The following THSD7B variants were observed in gnomAD, a reference collection of about 807,000 sequenced individuals.
The protein encoded by THSD7B is thrombospondin type 1 domain containing 7B.
A neutral mutation model predicts 213.6 loss-of-function variants in THSD7B; 138 were observed. The observed-to-expected ratio is 0.65, with a 90% CI of 0.56 to 0.74. The LOEUF is 0.74. THSD7B is among the 30% of genes least tolerant of loss of function. The pLI, the probability that THSD7B is intolerant of heterozygous loss-of-function variation, is 0.00. For missense variants in THSD7B, 1,931 were observed against 1,991.5 expected, an observed-to-expected ratio of 0.97 and a Z score of 0.58; for synonymous variants, 742 against 687.0, an observed-to-expected ratio of 1.08 and a Z score of -1.25.
chr2:137,056,898 C>G lies in THSD7B; in HGVS notation c.618C>G (p.Val206=). 6.2e-7 allele frequency: 1 copy of G among 1,613,886 alleles called. No individual in the cohort carries two copies. The highest frequency in any genetic ancestry group is 8.5e-7 in the Non-Finnish European group (1 of 1,179,876). The change falls in exon 3 of 28, where the codon GTC becomes GTG. Residue 206 remains valine, a synonymous_variant. Coordinates refer to ENST00000409968, the MANE Select transcript of THSD7B (RefSeq NM_001316349.2). Reference sequence around the variant, plus strand: ...AATTGCAGCATAGAACTCGCGCGGTCATAGCTCCCCCTCTCTTTGGTGGTT... The same window carrying G: ...AATTGCAGCATAGAACTCGCGCGGTGATAGCTCCCCCTCTCTTTGGTGGTT... ...GKKLQHRTRA[V]IAPPLFGGLQ...
At chr2:137,455,218 G>A (rs1290237765) in intron 15 of THSD7B, among the ~76,000 whole-genome samples, 3 of 152,094 alleles carry the variant, frequency 2.0e-5, no homozygotes, top group Non-Finnish European at 2.9e-5. Flanking sequence ...ATTTGAAAAC[G>A]TAGCCTTCTC....
intron 12 of THSD7B, among the ~76,000 whole-genome samples, chr2:137,328,373 T>G (rs543483186): frequency 1.2e-4 from 18 of 152,344 alleles, no homozygotes; most frequent in African/African-American, 4.3e-4. Flanking sequence ...TTAATTGTAT[T>G]GAATTTCATA....
At chr2:137,497,599 ATG>A (rs1679600325) in intron 15 of THSD7B, among the ~76,000 whole-genome samples, 8 of 150,502 alleles carry the variant, frequency 5.3e-5, no homozygotes, top group Admixed American at 2.6e-4. Flanking sequence ...GTATATATAT[ATG>A]TATGTGTGTG....
chr2:137,634,298 G>A (rs1558866626), intron 20 of THSD7B, among the ~76,000 whole-genome samples: 1 of 152,128 alleles, frequency 6.6e-6, no homozygotes, highest in Non-Finnish European at 1.5e-5. Flanking sequence ...CAAAAGAAGT[G>A]ATGTCCAGGT....
At chr2:137,487,736 CTTTTTTTTTTTTTTTTTTTTTTTTTTTTT>C (rs746163389) in intron 15 of THSD7B, among the ~76,000 whole-genome samples, 1 of 13,324 alleles carries the variant, frequency 7.5e-5, no homozygotes, top group African/African-American at 2.7e-4. Context: ...AGGTTTCTTT[CTTTTTTTTTTTTTTTTTTTTTTTTTTTTT>C]TTTTTTTTTT....
chr2:137,006,535 C>CATTCT (rs1686116642), intron 2 of THSD7B, among the ~76,000 whole-genome samples: 3 of 152,166 alleles, frequency 2.0e-5, no homozygotes, highest in Non-Finnish European at 4.4e-5. Context: ...TGATAATCCT[C>CATTCT]ATTCTACTGG....
chr2:137,259,789 T>C (rs968517233), intron 10 of THSD7B, among the ~76,000 whole-genome samples: 4 of 152,190 alleles, frequency 2.6e-5, no homozygotes, highest in African/African-American at 9.6e-5. Flanking sequence ...CAGGAATAAT[T>C]TCTTTTGTTT....
intron 15 of THSD7B, among the ~76,000 whole-genome samples, chr2:137,549,310 C>CTTTTTTTTTTTTTTTTTTTTTTT: frequency 4.0e-5 from 1 of 25,206 alleles, no homozygotes; most frequent in Non-Finnish European, 6.9e-5. Context: ...TTCAGATGCT[C>CTTTTTTTTTTTTTTTTTTTTTTT]TTTTTTTTTT....
In THSD7B at chr2:137,364,241, A is replaced by G. The variant is rs192834078; in HGVS notation, c.2501-41372A>G. 3.4e-3 allele frequency among the ~76,000 whole-genome samples: 525 copies of G among 152,366 alleles called. 3 individuals carry two copies. Among genetic ancestry groups the G allele is most frequent in the African/African-American group, 0.012 (492 of 41,590 alleles). On this transcript the variant is annotated intron_variant, in intron 12 of 27. Transcript: ENST00000409968. ...AATAAACTAGGTATTGATGGGACAT[A>G]TCTCAAAATAATAAGAGCTATTTAT...
At chr2:137,060,862 A>G (rs886920007) in intron 3 of THSD7B, among the ~76,000 whole-genome samples, 5 of 151,494 alleles carry the variant, frequency 3.3e-5, no homozygotes, top group African/African-American at 1.2e-4. Context: ...TAAACTTTGG[A>G]ACTACTTTTT....
rs145630654 is a variant in THSD7B, at chr2:137,004,923, C to T, written c.140-51497C>T. On this transcript the variant is annotated intron_variant, in intron 2 of 27. Coordinates refer to ENST00000409968, the MANE Select transcript of THSD7B (RefSeq NM_001316349.2). Reference sequence around the variant, plus strand: ...TATGAAGAGGTAAACTATTTTATTGCCCTACTATTTATTTTGAAGTTGAAT... The same window carrying T: ...TATGAAGAGGTAAACTATTTTATTGTCCTACTATTTATTTTGAAGTTGAAT... Among the ~76,000 whole-genome samples, 113 of 152,188 alleles carry T rather than the reference C, an allele frequency of 7.4e-4. 2 individuals carry two copies. In the East Asian group the frequency reaches 0.014, roughly 19 times the overall value.
intron 10 of THSD7B, among the ~76,000 whole-genome samples, chr2:137,264,441 G>T (rs907176267): frequency 6.6e-6 from 1 of 151,924 alleles, no homozygotes; most frequent in Non-Finnish European, 1.5e-5. Context: ...GTAGAGGCGG[G>T]ATTTCACTGT....
intron 2 of THSD7B, among the ~76,000 whole-genome samples, chr2:136,977,809 T>TTTTGTG (rs1558874163): frequency 8.7e-6 from 1 of 114,914 alleles, no homozygotes; most frequent in Non-Finnish European, 1.8e-5. Context: ...TTGTTTTTTT[T>TTTTGTG]TTTTTTTTTT....
intron 4 of THSD7B, 121 bp from the exon 5 acceptor site, chr2:137,115,003 A>T: frequency 9.6e-7 from 1 of 1,040,960 alleles, no homozygotes. Context: ...CTTTATCCAC[A>T]GGCAAAGATT....
At chr2:137,362,904 A>G (rs1685301473) in intron 12 of THSD7B, among the ~76,000 whole-genome samples, 1 of 152,080 alleles carries the variant, frequency 6.6e-6, no homozygotes, top group Non-Finnish European at 1.5e-5. Context: ...CATCTACAGA[A>G]CTCTCCACCT....
chr2:136,852,329 A>AAAACG (rs1683110949), intron 1 of THSD7B, among the ~76,000 whole-genome samples: 1 of 152,062 alleles, frequency 6.6e-6, no homozygotes, highest in Non-Finnish European at 1.5e-5. Flanking sequence ...AAAACAAAAC[A>AAAACG]AAACAAAACA....
chr2:137,350,681 G>A (rs1247125791), intron 12 of THSD7B, among the ~76,000 whole-genome samples: 1 of 151,762 alleles, frequency 6.6e-6, no homozygotes, highest in African/African-American at 2.4e-5. Flanking sequence ...GAGAAGACTG[G>A]ATTAAGAGAG....
chr2:137,597,330 G>A (rs771678494), intron 17 of THSD7B, among the ~76,000 whole-genome samples: 7 of 151,944 alleles, frequency 4.6e-5, no homozygotes, highest in Admixed American at 1.3e-4. Context: ...TCTCAGGCCA[G>A]ATGTCCTGAT....
At chr2:137,617,016 T>C (rs545474707) in intron 18 of THSD7B, among the ~76,000 whole-genome samples, 1 of 148,880 alleles carries the variant, frequency 6.7e-6, no homozygotes, top group South Asian at 2.2e-4. Flanking sequence ...GGCAAAGCAA[T>C]TGCCTTTTCT....
Sources: gnomAD v4.1 joint callset for allele counts (sites outside exome capture counted in the v4.1 genomes callset) on GRCh38, gnomAD v4.1.1 for gene constraint, MANE v1.5 for transcripts, NCBI Gene and HGNC (gene_info 2026-07-23, HGNC 2026-07-21) for gene names.